The following UCHL3 variants were observed in gnomAD, a reference collection of about 807,000 sequenced individuals.
The protein encoded by UCHL3 is ubiquitin C-terminal hydrolase L3, also known as ubiquitin carboxyl-terminal hydrolase isozyme L3.
Under a neutral mutation model 35.8 loss-of-function variants are expected in UCHL3, and 22 were observed. The ratio of observed to expected loss-of-function variants is 0.61; its 90% CI spans 0.44 to 0.88. The LOEUF is 0.88. UCHL3 is among the 40% of genes least tolerant of loss of function. UCHL3 has a pLI of 0.00. For synonymous variants in UCHL3, 90 were observed against 92.8 expected (o/e 0.97, Z 0.17); for missense variants, 229 against 276.9 (o/e 0.83, Z 1.23).
intron 6 of UCHL3, among the ~76,000 whole-genome samples, chr13:75,570,844 C>T (rs973865690): frequency 6.6e-6 from 1 of 151,966 alleles, no homozygotes. Context: ...CTCAGGACTT[C>T]GAGGTTATAG....
intron 6 of UCHL3, among the ~76,000 whole-genome samples, chr13:75,583,691 A>T (rs1396923733): frequency 6.6e-6 from 1 of 152,220 alleles, no homozygotes; most frequent in Non-Finnish European, 1.5e-5. Context: ...GAAAACCAGA[A>T]ACAAACTAAA....
intron 6 of UCHL3, among the ~76,000 whole-genome samples, chr13:75,570,171 T>G (rs1276527296): frequency 5.3e-5 from 8 of 152,216 alleles, no homozygotes; most frequent in Non-Finnish European, 1.2e-4. Context: ...TATATCACAT[T>G]TAAGGGTTAA....
chr13:75,592,446 A>ATATACATATATACATATATATATATATG (rs1555276764), intron 6 of UCHL3, among the ~76,000 whole-genome samples: 1 of 71,072 alleles, frequency 1.4e-5, no homozygotes, highest in Non-Finnish European at 3.2e-5. Context: ...ATATATATAT[A>ATATACATATATACATATATATATATATG]TATATATATA....
At chr13:75,600,479 C>G (rs1566232074) in intron 7 of UCHL3, among the ~76,000 whole-genome samples, 1 of 152,124 alleles carries the variant, frequency 6.6e-6, no homozygotes, top group Non-Finnish European at 1.5e-5. Flanking sequence ...ATTTGATATT[C>G]AGAAAATTTT....
Position 75,605,751 on chromosome 13 carries a change from A to G in UCHL3, c.632A>G (p.Lys211Arg), listed in dbSNP as rs2032926108. Reference protein sequence around the residue: ...LLEDAIEVCKKFMERDPDELR... With the variant: ...LLEDAIEVCKRFMERDPDELR... ...TAGGATGCCATAGAAGTTTGCAAGA[A>G]GTTTATGGAGCGCGACCCTGATGAA... Residue 211 changes from lysine to arginine, a missense_variant, in exon 9 of 9, where the codon AAG (lysine) becomes AGG (arginine). By Grantham distance (26) the Lys-to-Arg change is conservative. Coordinates refer to ENST00000377595, the MANE Select transcript of UCHL3 (RefSeq NM_006002.5). The G allele has an allele frequency of 6.2e-7, 1 of 1,613,980 alleles. No individual in the cohort carries two copies. The highest frequency in any genetic ancestry group is 1.1e-5 in the South Asian group (1 of 91,062).
chr13:75,550,545 G>A (rs1297008428), intron 2 of UCHL3, among the ~76,000 whole-genome samples: 1 of 152,078 alleles, frequency 6.6e-6, no homozygotes, highest in Non-Finnish European at 1.5e-5. Context: ...ATCAAAGAAA[G>A]CTCAGTTTAA....
At chr13:75,602,649 T>C (rs1222380709) in intron 7 of UCHL3, among the ~76,000 whole-genome samples, 4 of 152,210 alleles carry the variant, frequency 2.6e-5, no homozygotes, top group Admixed American at 6.5e-5. Context: ...TTTTATTGTT[T>C]TGGCAAAATT....
intron 6 of UCHL3, among the ~76,000 whole-genome samples, chr13:75,583,343 T>C (rs1429353858): frequency 6.6e-6 from 1 of 152,230 alleles, no homozygotes; most frequent in Admixed American, 6.5e-5. Flanking sequence ...AGTGTACTTT[T>C]AGACTCATTA....
At chr13:75,560,055 T>A (rs2138468318) in intron 2 of UCHL3, among the ~76,000 whole-genome samples, 1 of 152,316 alleles carries the variant, frequency 6.6e-6, no homozygotes, top group African/African-American at 2.4e-5. Context: ...TTTCATTGTG[T>A]AGTAGAGGCC....
intron 6 of UCHL3, among the ~76,000 whole-genome samples, chr13:75,572,721 A>G (rs187171023): frequency 1.8e-4 from 28 of 152,282 alleles, no homozygotes; most frequent in Admixed American, 6.5e-4. Context: ...CCCCCGAGTA[A>G]ACAAAACATA....
intron 3 of UCHL3, among the ~76,000 whole-genome samples, chr13:75,563,490 G>A (rs1315157488): frequency 6.6e-6 from 1 of 151,994 alleles, no homozygotes; most frequent in Non-Finnish European, 1.5e-5. Flanking sequence ...AATCATGGTG[G>A]GTTTTTAAAA....
intron 6 of UCHL3, among the ~76,000 whole-genome samples, chr13:75,578,473 A>G (rs1367821898): frequency 6.6e-6 from 1 of 152,120 alleles, no homozygotes; most frequent in Non-Finnish European, 1.5e-5. Context: ...CACCTACTGT[A>G]CTAGGCACTG....
At chr13:75,555,793 A>G (rs115531186) in intron 2 of UCHL3, among the ~76,000 whole-genome samples, 2,097 of 152,250 alleles carry the variant, frequency 0.014, 64 homozygotes, top group African/African-American at 0.048. Context: ...AGGTCACACT[A>G]TGTTGCCCAG....
chr13:75,559,017 T>C (rs1292428125), intron 2 of UCHL3, among the ~76,000 whole-genome samples: 1 of 143,956 alleles, frequency 6.9e-6, no homozygotes, highest in Admixed American at 6.9e-5. Context: ...ATTGATCTCC[T>C]CAGCCCCGGA....
chr13:75,592,965 G>A (rs559783895), intron 6 of UCHL3, among the ~76,000 whole-genome samples: 4 of 152,148 alleles, frequency 2.6e-5, no homozygotes, highest in Non-Finnish European at 5.9e-5. Flanking sequence ...GAAACCCAAG[G>A]CTTACAGGGA....
At chr13:75,594,489 G>A (rs9573587) in intron 6 of UCHL3, among the ~76,000 whole-genome samples, 4 of 152,122 alleles carry the variant, frequency 2.6e-5, no homozygotes, top group African/African-American at 4.8e-5. Flanking sequence ...AATTTAACTC[G>A]AAAAGAGTTT....
chr13:75,558,475 G>A (rs898796938), intron 2 of UCHL3, among the ~76,000 whole-genome samples: 17 of 152,130 alleles, frequency 1.1e-4, no homozygotes, highest in African/African-American at 2.7e-4. Context: ...ATGTACCATC[G>A]TGTTTTATAA....
chr13:75,591,434 G>A (rs2032475346), intron 6 of UCHL3, among the ~76,000 whole-genome samples: 1 of 152,116 alleles, frequency 6.6e-6, no homozygotes, highest in Non-Finnish European at 1.5e-5. Flanking sequence ...TAAATGACCA[G>A]GGTAGAATCC....
At chr13:75,576,831 A>C (rs1247739325) in intron 6 of UCHL3, among the ~76,000 whole-genome samples, 1 of 152,228 alleles carries the variant, frequency 6.6e-6, no homozygotes, top group Non-Finnish European at 1.5e-5. Context: ...AAAAATAGTT[A>C]CTGATTTTAA....
Sources: gnomAD v4.1 joint callset for allele counts (sites outside exome capture counted in the v4.1 genomes callset) on GRCh38, gnomAD v4.1.1 for gene constraint, MANE v1.5 for transcripts, NCBI Gene and HGNC (gene_info 2026-07-23, HGNC 2026-07-21) for gene names.